The following SDK1 variants were observed in gnomAD, a reference collection of about 807,000 sequenced individuals.
SDK1 encodes the protein sidekick cell adhesion molecule 1, also known as protein sidekick-1.
SDK1 carries 157 observed loss-of-function variants against 245.5 expected under a neutral mutation model. The observed-to-expected ratio is 0.64, with a 90% CI of 0.56 to 0.73. The LOEUF is 0.73. Among genes scored for constraint, SDK1 ranks in the 30% least tolerant of loss-of-function variants. The probability of loss-of-function intolerance (pLI) is 0.00; values close to 1 mark genes in which losing one functional copy is unlikely to be tolerated. For synonymous variants in SDK1, 1,647 were observed against 1,278.5 expected, an observed-to-expected ratio of 1.29 and a Z score of -6.15; for missense variants, 3,583 against 3,002.3, an observed-to-expected ratio of 1.19 and a Z score of -4.52.
intron 4 of SDK1, among the ~76,000 whole-genome samples, chr7:3,807,143 C>T (rs765418942): frequency 2.0e-5 from 3 of 152,108 alleles, no homozygotes; most frequent in Non-Finnish European, 4.4e-5. Context: ...AAAAATCTAC[C>T]CCATCCCCAA....
At chr7:4,213,501 G>T (rs11773179) in intron 38 of SDK1, among the ~76,000 whole-genome samples, 46,384 of 151,424 alleles carry the variant, frequency 0.31, 7,745 homozygotes, top group African/African-American at 0.44. Flanking sequence ...AGGAGAATGG[G>T]TTGAACCCGG....
chr7:3,366,178 A>C (rs1477067281), intron 1 of SDK1, among the ~76,000 whole-genome samples: 1 of 152,158 alleles, frequency 6.6e-6, no homozygotes, highest in Non-Finnish European at 1.5e-5. Context: ...AATAGGTTTG[A>C]AGTCAAAATT....
At chr7:3,716,353 C>G (rs975903609) in intron 4 of SDK1, among the ~76,000 whole-genome samples, 2 of 151,888 alleles carry the variant, frequency 1.3e-5, no homozygotes, top group Non-Finnish European at 2.9e-5. Context: ...GACACTTAAA[C>G]TTCTGTGTTG....
chr7:4,227,059 G>A (rs191161906), intron 40 of SDK1: 52 of 222,712 alleles, frequency 2.3e-4, no homozygotes, highest in Admixed American at 7.6e-4. Context: ...TCCACTCGTA[G>A]TCCCCTGGGG....
At chr7:3,693,350 G>C (rs932372193) in intron 4 of SDK1, among the ~76,000 whole-genome samples, 1 of 152,068 alleles carries the variant, frequency 6.6e-6, no homozygotes, top group Non-Finnish European at 1.5e-5. Flanking sequence ...GTTTCATAGT[G>C]TTACTTCCTC....
chr7:4,181,355 C>G (rs894822170), intron 35 of SDK1, among the ~76,000 whole-genome samples: 2 of 152,276 alleles, frequency 1.3e-5, no homozygotes, highest in African/African-American at 4.8e-5. Flanking sequence ...GGGATGGACA[C>G]TCGGGGGCCT....
chr7:3,742,129 C>G (rs1014459639), intron 4 of SDK1, among the ~76,000 whole-genome samples: 47 of 149,332 alleles, frequency 3.1e-4, no homozygotes, highest in Admixed American at 5.9e-4. Flanking sequence ...ATTAAATTCT[C>G]TGTTCCTCTT....
chr7:4,057,020 G>A (rs1779247125), intron 19 of SDK1, among the ~76,000 whole-genome samples: 1 of 152,150 alleles, frequency 6.6e-6, no homozygotes, highest in African/African-American at 2.4e-5. Flanking sequence ...GGGGCTGCTG[G>A]GCATTTTCAC....
intron 1 of SDK1, among the ~76,000 whole-genome samples, chr7:3,373,400 A>C (rs956151611): frequency 6.6e-6 from 1 of 152,242 alleles, no homozygotes; most frequent in East Asian, 1.9e-4. Flanking sequence ...GAACAAGTCA[A>C]TGACAGAAAA....
Position 3,642,061 on chromosome 7 carries a change from G to A in SDK1, c.669G>A (p.Val223=), listed in dbSNP as rs1295062412. Residue 223 remains valine, a synonymous_variant, in exon 4 of 45, where the codon GTG becomes GTA. Coordinates refer to ENST00000404826, the MANE Select transcript of SDK1 (RefSeq NM_152744.4). ...LPITSYPRPQ[V]TWFREGHKII... ...TCACCAGCTACCCCAGACCTCAAGT[G>A]ACTTGGTTTAGAGAAGGGCACAAGA... is the stretch of plus-strand genomic sequence containing the variant. 1.2e-6 allele frequency: 2 copies of A among 1,614,140 alleles called. No individual in the cohort carries two copies. Among genetic ancestry groups the A allele is most frequent in the African/African-American group, 1.3e-5 (1 of 75,048 alleles).
At chr7:4,023,464 C>T (rs946754239) in intron 17 of SDK1, among the ~76,000 whole-genome samples, 10 of 152,068 alleles carry the variant, frequency 6.6e-5, no homozygotes, top group African/African-American at 2.2e-4. Flanking sequence ...GACTCAGTTC[C>T]GCATATCAAA....
intron 4 of SDK1, among the ~76,000 whole-genome samples, chr7:3,815,931 A>G (rs1377998332): frequency 1.4e-5 from 2 of 143,778 alleles, no homozygotes; most frequent in Non-Finnish European, 3.0e-5. Flanking sequence ...AGAACTCAAG[A>G]TTAAGAATCT....
chr7:3,939,620 T>G (rs780938343), intron 5 of SDK1, among the ~76,000 whole-genome samples: 2 of 152,186 alleles, frequency 1.3e-5, no homozygotes, highest in African/African-American at 2.4e-5. Flanking sequence ...TCTTTCACTT[T>G]GGACATTTTA....
At chr7:3,384,003 A>G (rs1277450454) in intron 1 of SDK1, among the ~76,000 whole-genome samples, 5 of 152,208 alleles carry the variant, frequency 3.3e-5, no homozygotes, top group Non-Finnish European at 7.3e-5. Flanking sequence ...TATTATCCTT[A>G]TAGAACTACT....
At chr7:3,617,379 C>G (rs1440290136) in intron 1 of SDK1, among the ~76,000 whole-genome samples, 1 of 152,108 alleles carries the variant, frequency 6.6e-6, no homozygotes, top group East Asian at 1.9e-4. Flanking sequence ...ATGGAATAAA[C>G]ATAATGACTT....
At chr7:4,202,206 CT>C in intron 35 of SDK1, among the ~76,000 whole-genome samples, 1 of 152,288 alleles carries the variant, frequency 6.6e-6, no homozygotes, top group South Asian at 2.1e-4. Flanking sequence ...TGAAACTTGT[CT>C]TTCACATCTG....
At chr7:4,080,887 A>G (rs1288917013) in intron 22 of SDK1, among the ~76,000 whole-genome samples, 2 of 152,190 alleles carry the variant, frequency 1.3e-5, no homozygotes, top group Non-Finnish European at 2.9e-5. Flanking sequence ...AAAAAGAAAA[A>G]AGAAAATCAG....
At chr7:3,768,966 C>G (rs1780332430) in intron 4 of SDK1, among the ~76,000 whole-genome samples, 1 of 152,168 alleles carries the variant, frequency 6.6e-6, no homozygotes, top group African/African-American at 2.4e-5. Flanking sequence ...CCTGTTAAGA[C>G]CAAAATCTAT....
At chr7:3,536,157 C>T (rs558104857) in intron 1 of SDK1, among the ~76,000 whole-genome samples, 37 of 151,848 alleles carry the variant, frequency 2.4e-4, no homozygotes, top group Middle Eastern at 3.4e-3. Flanking sequence ...CCTGGGTCCA[C>T]ACCATTCTCC....
Sources: gnomAD v4.1 joint callset for allele counts (sites outside exome capture counted in the v4.1 genomes callset) on GRCh38, gnomAD v4.1.1 for gene constraint, MANE v1.5 for transcripts, NCBI Gene and HGNC (gene_info 2026-07-23, HGNC 2026-07-21) for gene names.